Variants in XKR9 observed in about 807,000 individuals in gnomAD.
XKR9 encodes the protein XK-related protein 9.
XKR9 carries 32 observed loss-of-function variants against 32.0 expected under a neutral mutation model. The ratio of observed to expected loss-of-function variants is 1.00; its 90% CI spans 0.76 to 1.34. The LOEUF (loss-of-function observed/expected upper bound fraction) is 1.34, where lower values mean the gene tolerates loss of function less well. XKR9 is among the 40% of genes most tolerant of loss of function. XKR9 has a pLI of 0.00. For missense variants in XKR9, 546 were observed against 429.7 expected (o/e 1.27, Z -2.39); for synonymous variants, 168 against 143.4 (o/e 1.17, Z -1.22).
the XKR9 span, among the ~76,000 whole-genome samples, chr8:70,885,292 A>G: frequency 1.3e-5 from 2 of 152,146 alleles, no homozygotes; most frequent in Non-Finnish European, 1.5e-5. Context: ...TGTATGGATA[A>G]TATACAAGGT....
chr8:70,776,954 T>TATATATAC (rs1554556864), intron 2 of XKR9, among the ~76,000 whole-genome samples: 3 of 89,318 alleles, frequency 3.4e-5, no homozygotes, highest in African/African-American at 6.7e-5. Context: ...TCTCTATATA[T>TATATATAC]ATATATATAT....
chr8:70,980,926 G>C, the XKR9 span, among the ~76,000 whole-genome samples: 1 of 152,090 alleles, frequency 6.6e-6, no homozygotes, highest in Non-Finnish European at 1.5e-5. Context: ...CAAAATTCTT[G>C]GCTGATAATT....
At chr8:70,880,775 A>G in the XKR9 span, among the ~76,000 whole-genome samples, 1 of 152,188 alleles carries the variant, frequency 6.6e-6, no homozygotes, top group Non-Finnish European at 1.5e-5. Context: ...AAACTACCTT[A>G]AAGTTCATAT....
At chr8:70,702,418 T>G (rs1805571176) in intron 3 of XKR9, among the ~76,000 whole-genome samples, 1 of 152,186 alleles carries the variant, frequency 6.6e-6, no homozygotes, top group Non-Finnish European at 1.5e-5. Context: ...GAACGTAATG[T>G]TCTATAAATG....
At chr8:70,940,396 C>T in the XKR9 span, among the ~76,000 whole-genome samples, 8 of 152,172 alleles carry the variant, frequency 5.3e-5, no homozygotes, top group Admixed American at 2.0e-4. Flanking sequence ...CCTCTGAAGT[C>T]AGACACATTG....
chr8:70,691,060 C>T (rs1197636880), intron 3 of XKR9, among the ~76,000 whole-genome samples: 2 of 152,184 alleles, frequency 1.3e-5, no homozygotes, highest in Non-Finnish European at 2.9e-5. Context: ...TCTCCACAAC[C>T]TCGCCAGCAT....
At chr8:71,015,100 G>A in the XKR9 span, among the ~76,000 whole-genome samples, 2 of 152,132 alleles carry the variant, frequency 1.3e-5, no homozygotes, top group African/African-American at 4.8e-5. Flanking sequence ...AAAGTGGTTC[G>A]TTTTGTGGGT....
At chr8:70,878,889 G>A in the XKR9 span, among the ~76,000 whole-genome samples, 2 of 152,038 alleles carry the variant, frequency 1.3e-5, no homozygotes, top group Non-Finnish European at 2.9e-5. Context: ...CTCCAAAATT[G>A]ACCACATAGT....
chr8:70,758,817 G>A (rs1014090286), intron 2 of XKR9, among the ~76,000 whole-genome samples: 2 of 152,178 alleles, frequency 1.3e-5, no homozygotes, highest in African/African-American at 4.8e-5. Flanking sequence ...CAGCAGGCAT[G>A]GGCAGTGAAG....
intron 4 of XKR9, among the ~76,000 whole-genome samples, chr8:70,719,946 C>T (rs1467199253): frequency 6.6e-6 from 1 of 152,092 alleles, no homozygotes; most frequent in Non-Finnish European, 1.5e-5. Flanking sequence ...AATGATTTTT[C>T]CATTTGTTTG....
the XKR9 span, among the ~76,000 whole-genome samples, chr8:70,806,676 A>T: frequency 6.6e-6 from 1 of 152,206 alleles, no homozygotes; most frequent in African/African-American, 2.4e-5. Flanking sequence ...CAGAGTTTGA[A>T]GACCACCTTG....
At chr8:70,745,724 T>G (rs772589254) in intron 2 of XKR9, among the ~76,000 whole-genome samples, 1 of 152,204 alleles carries the variant, frequency 6.6e-6, no homozygotes, top group African/African-American at 2.4e-5. Context: ...ACAGAGAAAT[T>G]GGACGTGCTG....
the XKR9 span, among the ~76,000 whole-genome samples, chr8:70,870,460 A>G: frequency 6.6e-6 from 1 of 152,206 alleles, no homozygotes; most frequent in South Asian, 2.1e-4. Context: ...GTTCTCTAAA[A>G]GCCTATTCTA....
At chr8:70,845,738 A>G in the XKR9 span, among the ~76,000 whole-genome samples, 1 of 152,126 alleles carries the variant, frequency 6.6e-6, no homozygotes, top group Non-Finnish European at 1.5e-5. Context: ...GAAATAACCT[A>G]GTCAAACAAA....
At chr8:70,918,291 C>T in the XKR9 span, among the ~76,000 whole-genome samples, 184 of 152,198 alleles carry the variant, frequency 1.2e-3, 1 homozygote, top group Non-Finnish European at 3.7e-4. Context: ...AAGATGGGTG[C>T]ATGTAGAAGG....
At chr8:71,025,452 A>G in the XKR9 span, among the ~76,000 whole-genome samples, 1 of 152,260 alleles carries the variant, frequency 6.6e-6, no homozygotes, top group African/African-American at 2.4e-5. Context: ...TTCTTTGCAA[A>G]CATATTCTTA....
the XKR9 span, among the ~76,000 whole-genome samples, chr8:70,844,974 A>G: frequency 6.6e-6 from 1 of 151,866 alleles, no homozygotes. Context: ...CCAGAGGCAC[A>G]ATAATCAGCT....
chr8:70,951,478 G>T, the XKR9 span, among the ~76,000 whole-genome samples: 17 of 152,200 alleles, frequency 1.1e-4, no homozygotes, highest in African/African-American at 4.1e-4. Flanking sequence ...ACAAATATTT[G>T]TTAGCACTTT....
At position 70,735,137 on chromosome 8, in the gene XKR9, T is replaced by A. The variant is rs566772032; in HGVS notation, c.*713T>A. ...GTAAAAACATATAAAATTTACCATC[T>A]TAATCACTTTGAGTGTACAGTTCAT... On this transcript the variant is annotated 3_prime_UTR_variant, in exon 5 of 5. Coordinates refer to ENST00000408926, the MANE Select transcript of XKR9 (RefSeq NM_001011720.2). The A allele has an allele frequency of 2.6e-5, 4 of 152,078 alleles. No homozygotes were observed. Among genetic ancestry groups the A allele is most frequent in the African/African-American group, 9.7e-5 (4 of 41,446 alleles). 9.4% of individuals were successfully genotyped at this position (152,078 alleles called of 1,614,324 possible). A position where few individuals can be genotyped will look rare whatever the true frequency, so the allele number is the denominator to read the frequency against.
Sources: gnomAD v4.1 joint callset for allele counts (sites outside exome capture counted in the v4.1 genomes callset) on GRCh38, gnomAD v4.1.1 for gene constraint, MANE v1.5 for transcripts, NCBI Gene and HGNC (gene_info 2026-07-23, HGNC 2026-07-21) for gene names.